The following PRKN variants were observed in gnomAD, a reference collection of about 807,000 sequenced individuals.
PRKN encodes parkin RBR E3 ubiquitin protein ligase.
In PRKN, 56 loss-of-function variants were observed where a neutral mutation model predicts 59.5. The ratio of observed to expected loss-of-function variants is 0.94; its 90% CI spans 0.76 to 1.18. The LOEUF (loss-of-function observed/expected upper bound fraction) is 1.18. Among genes scored for constraint, PRKN ranks in the 50% most tolerant of loss-of-function variants. PRKN has a pLI of 0.00. For missense variants in PRKN, 657 were observed against 596.4 expected (o/e 1.10, Z -1.06); for synonymous variants, 250 against 222.1 (o/e 1.13, Z -1.12).
At chr6:162,328,571 G>C (rs978159806) in intron 2 of PRKN, among the ~76,000 whole-genome samples, 27 of 152,288 alleles carry the variant, frequency 1.8e-4, no homozygotes, top group African/African-American at 6.5e-4. Flanking sequence ...AAAAGAGACC[G>C]GTAAATAAAG....
chr6:161,965,392 C>T (rs527762690), intron 6 of PRKN, among the ~76,000 whole-genome samples: 80 of 152,052 alleles, frequency 5.3e-4, no homozygotes, highest in Non-Finnish European at 5.9e-4. Flanking sequence ...ACATGTGTCT[C>T]GAAGGTTAAT....
intron 7 of PRKN, among the ~76,000 whole-genome samples, chr6:161,603,982 C>T (rs573813529): frequency 6.6e-6 from 1 of 152,290 alleles, no homozygotes; most frequent in South Asian, 2.1e-4. Flanking sequence ...CATAAGAGGG[C>T]ACCATCTATG....
At chr6:161,818,582 C>T (rs927453632) in intron 6 of PRKN, among the ~76,000 whole-genome samples, 1 of 152,036 alleles carries the variant, frequency 6.6e-6, no homozygotes, top group Non-Finnish European at 1.5e-5. Context: ...GATCCTCCTG[C>T]GTTGGACTCC....
intron 6 of PRKN, among the ~76,000 whole-genome samples, chr6:161,965,155 C>CCCAGGCCCAAG (rs1780530003): frequency 6.6e-6 from 1 of 152,052 alleles, no homozygotes; most frequent in Non-Finnish European, 1.5e-5. Context: ...TAAATCTTTG[C>CCCAGGCCCAAG]TAATCCCCAG....
At chr6:162,073,988 C>T (rs997382428) in intron 4 of PRKN, among the ~76,000 whole-genome samples, 32 of 151,472 alleles carry the variant, frequency 2.1e-4, no homozygotes, top group African/African-American at 6.1e-4. Flanking sequence ...ACAACAGGTG[C>T]TGGAGAGGAT....
chr6:162,025,055 G>A lies in PRKN; in HGVS notation c.618+29036C>T, dbSNP rs1216765683. Among the ~76,000 whole-genome samples, 11 of 135,884 alleles carry A rather than the reference G, an allele frequency of 8.1e-5. 1 individual carries two copies. Among genetic ancestry groups the A allele is most frequent in the East Asian group, 4.3e-4 (2 of 4,686 alleles). The allele number at this position is 135,884 out of a possible 152,430, so 89.1% of individuals were successfully genotyped here. A position where few individuals can be genotyped will look rare whatever the true frequency, so the allele number is the denominator to read the frequency against. ...TTTTGAGACGGAGTCTCGCTCTGTC[G>A]CCCAGCCTGGAGTGCAGTGGCGCAA... On this transcript the variant is annotated intron_variant, in intron 5 of 11. Coordinates refer to ENST00000366898, the MANE Select transcript of PRKN (RefSeq NM_004562.3).
chr6:161,894,624 C>T (rs996744783), intron 6 of PRKN, among the ~76,000 whole-genome samples: 2 of 152,126 alleles, frequency 1.3e-5, no homozygotes, highest in Non-Finnish European at 2.9e-5. Context: ...ATGCTCCTTG[C>T]GATATACTTA....
In PRKN at chr6:161,658,282, T is replaced by A. The variant is rs79494025; in HGVS notation, c.872-88866A>T. Among the ~76,000 whole-genome samples, 741 of 152,296 alleles carry A rather than the reference T, an allele frequency of 4.9e-3. 7 individuals carry two copies. Among genetic ancestry groups the A allele is most frequent in the African/African-American group, 0.017 (703 of 41,566 alleles). On this transcript the variant is annotated intron_variant, in intron 7 of 11. Coordinates refer to ENST00000366898, the MANE Select transcript of PRKN (RefSeq NM_004562.3). Reference sequence around the variant, plus strand: ...TAATTGCATTATTCATGAGCCATGCTCCGTTAATTGGAAGTGTTGGTCAAT... The same window carrying A: ...TAATTGCATTATTCATGAGCCATGCACCGTTAATTGGAAGTGTTGGTCAAT...
intron 2 of PRKN, among the ~76,000 whole-genome samples, chr6:162,340,458 A>C (rs1784124757): frequency 6.6e-6 from 1 of 152,216 alleles, no homozygotes; most frequent in Non-Finnish European, 1.5e-5. Context: ...TTCCCTGTAG[A>C]AAACTGGCAG....
chr6:162,556,700 T>C (rs997970133), intron 1 of PRKN, among the ~76,000 whole-genome samples: 5 of 142,956 alleles, frequency 3.5e-5, no homozygotes, highest in Non-Finnish European at 6.0e-5. Context: ...TGAGCCGAGA[T>C]TGCACCACTG....
chr6:161,644,894 T>G (rs772600141), intron 7 of PRKN, among the ~76,000 whole-genome samples: 10 of 152,188 alleles, frequency 6.6e-5, no homozygotes, highest in African/African-American at 1.2e-4. Flanking sequence ...TTAGTTGGAT[T>G]CTATTACAAT....
chr6:161,740,320 TCTATATCAA>T (rs1788136345), intron 7 of PRKN, among the ~76,000 whole-genome samples: 1 of 152,218 alleles, frequency 6.6e-6, no homozygotes. Context: ...ATTGTCCTCG[TCTATATCAA>T]CTACGTACAC....
intron 7 of PRKN, among the ~76,000 whole-genome samples, chr6:161,610,865 T>A (rs1220661445): frequency 6.6e-6 from 1 of 152,040 alleles, no homozygotes; most frequent in Non-Finnish European, 1.5e-5. Flanking sequence ...GAGGTTGTGA[T>A]AGGAGAGGGG....
intron 1 of PRKN, among the ~76,000 whole-genome samples, chr6:162,653,280 G>A (rs935113946): frequency 2.4e-4 from 36 of 152,078 alleles, no homozygotes; most frequent in African/African-American, 8.2e-4. Flanking sequence ...AATATGTCAA[G>A]ACATGAAGAC....
In PRKN at chr6:162,355,445, G is replaced by T. The variant is rs143499889; in HGVS notation, c.171+87865C>A. On this transcript the variant is annotated intron_variant, in intron 2 of 11. Coordinates refer to ENST00000366898, the MANE Select transcript of PRKN (RefSeq NM_004562.3). Reference sequence around the variant, plus strand: ...ACAATTTAGTTTTTCATTTTGTGTAGATATATATACACACACACATATATG... The same window carrying T: ...ACAATTTAGTTTTTCATTTTGTGTATATATATATACACACACACATATATG... Among the ~76,000 whole-genome samples the T allele has an allele frequency of 3.2e-3, 473 of 149,612 alleles. 4 individuals are homozygous for T. The highest frequency in any genetic ancestry group is 0.012 in the African/African-American group (455 of 39,502).
intron 1 of PRKN, among the ~76,000 whole-genome samples, chr6:162,725,548 C>A (rs1358630554): frequency 6.6e-6 from 1 of 151,996 alleles, no homozygotes; most frequent in Non-Finnish European, 1.5e-5. Flanking sequence ...TTGCTTGAGC[C>A]CAGGAGTTTG....
At chr6:162,353,995 C>T (rs1464416378) in intron 2 of PRKN, among the ~76,000 whole-genome samples, 4 of 152,070 alleles carry the variant, frequency 2.6e-5, no homozygotes, top group Non-Finnish European at 4.4e-5. Flanking sequence ...ATTATTTTAT[C>T]GTTATAAGTT....
chr6:161,970,632 G>T (rs998145303), intron 6 of PRKN, among the ~76,000 whole-genome samples: 1 of 151,612 alleles, frequency 6.6e-6, no homozygotes, highest in Non-Finnish European at 1.5e-5. Flanking sequence ...CCACCTCCCG[G>T]ATTCGAGTGA....
At chr6:162,101,294 G>A (rs1156446307) in intron 4 of PRKN, among the ~76,000 whole-genome samples, 2 of 151,214 alleles carry the variant, frequency 1.3e-5, no homozygotes, top group Non-Finnish European at 2.9e-5. Context: ...TCTTCTGCTT[G>A]TGGATATCCA....
Sources: gnomAD v4.1 joint callset for allele counts (sites outside exome capture counted in the v4.1 genomes callset) on GRCh38, gnomAD v4.1.1 for gene constraint, MANE v1.5 for transcripts, NCBI Gene and HGNC (gene_info 2026-07-23, HGNC 2026-07-21) for gene names.